Variants in DIAPH2 observed in about 807,000 individuals in gnomAD.
DIAPH2 encodes protein diaphanous homolog 2.
A neutral mutation model predicts 92.7 loss-of-function variants in DIAPH2; 35 were observed. That is an observed-to-expected ratio of 0.38 (90% CI 0.29 to 0.50). The LOEUF is 0.50. DIAPH2 is among the 20% of genes least tolerant of loss of function. The pLI is 0.94. For missense variants in DIAPH2, 701 were observed against 819.5 expected (o/e 0.86, Z 1.77); for synonymous variants, 301 against 280.4 (o/e 1.07, Z -0.73).
chrX:96,929,401 A>G (rs945345263), intron 9 of DIAPH2, among the ~76,000 whole-genome samples: 2 of 111,294 alleles, frequency 1.8e-5, no homozygotes, highest in African/African-American at 6.5e-5. Flanking sequence ...ATGTTCATAG[A>G]AATTAGACTA....
intron 26 of DIAPH2, chrX:97,533,335 A>G (rs1483791456): frequency 2.7e-5 from 3 of 111,545 alleles, no homozygotes; most frequent in African/African-American, 9.8e-5. Context: ...TTCTCCTCCA[A>G]TGCAAGATCC....
At chrX:96,742,560 T>A (rs1003611509) in intron 3 of DIAPH2, among the ~76,000 whole-genome samples, 1 of 112,081 alleles carries the variant, frequency 8.9e-6, no homozygotes, top group Non-Finnish European at 1.9e-5. Context: ...CTTACCTTTT[T>A]GATATCTTCC....
intron 23 of DIAPH2, among the ~76,000 whole-genome samples, chrX:97,252,874 A>T (rs775179181): frequency 1.0e-3 from 116 of 111,760 alleles, no homozygotes; most frequent in Non-Finnish European, 2.0e-3. Context: ...AATGCAGAAA[A>T]TTAGAAAGTT....
chrX:97,327,493 C>T (rs1224579560), intron 23 of DIAPH2, among the ~76,000 whole-genome samples: 1 of 111,698 alleles, frequency 9.0e-6, no homozygotes, highest in African/African-American at 3.3e-5. Context: ...ATTGCAGTGG[C>T]ACAGTCTTGG....
At chrX:96,945,447 C>A in intron 13 of DIAPH2, 80 bp from the exon 14 acceptor site, 1 of 657,078 alleles carries the variant, frequency 1.5e-6, no homozygotes, top group South Asian at 2.8e-5. Context: ...GTCTGCATTG[C>A]AGAGTTATAG....
At chrX:97,264,776 G>C (rs2068321309) in intron 23 of DIAPH2, among the ~76,000 whole-genome samples, 1 of 111,572 alleles carries the variant, frequency 9.0e-6, no homozygotes, top group Non-Finnish European at 1.9e-5. Context: ...ACGAGGTCAA[G>C]AGTTCAATAC....
At chrX:96,926,413 G>A (rs1416422947) in intron 9 of DIAPH2, among the ~76,000 whole-genome samples, 1 of 111,503 alleles carries the variant, frequency 9.0e-6, no homozygotes, top group East Asian at 2.8e-4. Flanking sequence ...ATTTGGGACA[G>A]TTAAGTGTTA....
chrX:97,368,496 T>A (rs541883563), intron 24 of DIAPH2, among the ~76,000 whole-genome samples: 173 of 112,287 alleles, frequency 1.5e-3, no homozygotes, highest in African/African-American at 5.3e-3. Context: ...AATTTTTTTT[T>A]AAAAGAAATC....
chrX:96,953,284 T>C (rs1389128529), intron 15 of DIAPH2, among the ~76,000 whole-genome samples: 5 of 111,920 alleles, frequency 4.5e-5, no homozygotes, highest in Non-Finnish European at 9.4e-5. Flanking sequence ...ATAATACAGA[T>C]GTCTGTAATA....
At chrX:96,819,627 T>C (rs186545756) in intron 4 of DIAPH2, among the ~76,000 whole-genome samples, 1 of 112,367 alleles carries the variant, frequency 8.9e-6, no homozygotes, top group East Asian at 2.8e-4. Flanking sequence ...TCAGGTATCT[T>C]ATAATCAATA....
chrX:97,529,074 A>C (rs191635044), intron 26 of DIAPH2: 1 of 103,142 alleles, frequency 9.7e-6, no homozygotes, highest in East Asian at 3.0e-4. Flanking sequence ...ACACTGTATC[A>C]AAAAAAAAAA....
At chrX:97,237,558 A>G (rs1417848477) in intron 22 of DIAPH2, among the ~76,000 whole-genome samples, 1 of 108,229 alleles carries the variant, frequency 9.2e-6, no homozygotes, top group Non-Finnish European at 1.9e-5. Flanking sequence ...GAGTTTTTAA[A>G]AAGATTTTTC....
At chrX:97,106,335 A>G (rs1179116574) in intron 20 of DIAPH2, among the ~76,000 whole-genome samples, 1 of 111,508 alleles carries the variant, frequency 9.0e-6, no homozygotes, top group Non-Finnish European at 1.9e-5. Flanking sequence ...CTGGTTTAAT[A>G]ATTTTGAGAT....
At chrX:97,119,589 C>T (rs1186578696) in intron 21 of DIAPH2, among the ~76,000 whole-genome samples, 1 of 111,722 alleles carries the variant, frequency 9.0e-6, no homozygotes, top group African/African-American at 3.3e-5. Flanking sequence ...GGAGAGGAAC[C>T]GGCGGTGGGC....
intron 23 of DIAPH2, among the ~76,000 whole-genome samples, chrX:97,300,931 T>TAAAAAAAAAAAAAAAAA (rs774601881): frequency 1.9e-4 from 2 of 10,793 alleles, no homozygotes; most frequent in Non-Finnish European, 3.2e-4. Context: ...GACTCCGTCT[T>TAAAAAAAAAAAAAAAAA]AAAAAAAAAA....
intron 22 of DIAPH2, among the ~76,000 whole-genome samples, chrX:97,155,335 T>C (rs1214533239): frequency 1.8e-5 from 2 of 110,009 alleles, no homozygotes; most frequent in Non-Finnish European, 3.8e-5. Context: ...ACCCCGTCTC[T>C]ACGAAAAATA....
chrX:97,154,180 A>G (rs770922722), intron 22 of DIAPH2, among the ~76,000 whole-genome samples: 1 of 111,367 alleles, frequency 9.0e-6, no homozygotes, highest in South Asian at 3.8e-4. Context: ...ACTATCATTT[A>G]TAAAGGGCTA....
At chrX:97,429,584 C>T in intron 25 of DIAPH2, 66 bp from the exon 26 acceptor site, 3 of 1,153,510 alleles carry the variant, frequency 2.6e-6, no homozygotes, top group Admixed American at 2.7e-5. Context: ...GGAGTTTTTC[C>T]CTTTATTTTC....
intron 4 of DIAPH2, among the ~76,000 whole-genome samples, chrX:96,847,919 T>C (rs773933473): frequency 1.3e-4 from 14 of 111,982 alleles, no homozygotes; most frequent in Admixed American, 8.5e-4. Context: ...ATCTTGTTGA[T>C]ATGATTCTAT....
Sources: gnomAD v4.1 joint callset for allele counts (sites outside exome capture counted in the v4.1 genomes callset) on GRCh38, gnomAD v4.1.1 for gene constraint, MANE v1.5 for transcripts, NCBI Gene and HGNC (gene_info 2026-07-23, HGNC 2026-07-21) for gene names.